The following CSPP1 variants were observed in gnomAD, a reference collection of about 807,000 sequenced individuals.
CSPP1 encodes the protein centrosome and spindle pole-associated protein 1.
CSPP1 carries 126 observed loss-of-function variants against 164.4 expected under a neutral mutation model. That is an observed-to-expected ratio of 0.77 (90% CI 0.66 to 0.89). The LOEUF (loss-of-function observed/expected upper bound fraction) is 0.89. CSPP1 is among the 40% of genes least tolerant of loss of function. CSPP1 has a pLI of 0.00. For synonymous variants in CSPP1, 472 were observed against 476.7 expected (o/e 0.99, Z 0.13); for missense variants, 1,395 against 1,449.8 (o/e 0.96, Z 0.61).
At chr8:67,170,974 G>A (rs1387948030) in intron 24 of CSPP1, among the ~76,000 whole-genome samples, 1 of 151,474 alleles carries the variant, frequency 6.6e-6, no homozygotes, top group Non-Finnish European at 1.5e-5. Context: ...TTTTAGTAGA[G>A]ATGGGGTTTC....
chr8:67,088,884 G>C (rs1304384498), intron 4 of CSPP1, among the ~76,000 whole-genome samples: 1 of 147,510 alleles, frequency 6.8e-6, no homozygotes, highest in African/African-American at 2.5e-5. Context: ...GCGACAGAGT[G>C]AGAATCCGTC....
rs189898536 is a variant in CSPP1, at chr8:67,117,444, A to T, written c.1497-804A>T. On this transcript the variant is annotated intron_variant, in intron 13 of 30. Transcript: ENST00000678616. ...CCATCTCTTTCTATTCATTTAAAGGAATTTGCCTTTGCCATTTTTACTACT... is the reference window on the plus strand; with the variant it reads ...CCATCTCTTTCTATTCATTTAAAGGTATTTGCCTTTGCCATTTTTACTACT... Among the ~76,000 whole-genome samples, 230 of 152,312 alleles carry T rather than the reference A, an allele frequency of 1.5e-3. 1 individual carries two copies. The highest frequency in any genetic ancestry group is 5.0e-3 in the African/African-American group (206 of 41,576).
chr8:67,126,870 C>G (rs1487543822), intron 15 of CSPP1, among the ~76,000 whole-genome samples: 1 of 151,886 alleles, frequency 6.6e-6, no homozygotes, highest in Non-Finnish European at 1.5e-5. Context: ...TCTACAAAAC[C>G]CCAGGATAGT....
At chr8:67,075,686 C>T (rs1807766686) in intron 2 of CSPP1, among the ~76,000 whole-genome samples, 1 of 152,194 alleles carries the variant, frequency 6.6e-6, no homozygotes. Context: ...GCCTTTCTTC[C>T]AGATAACCTG....
chr8:67,183,738 A>G (rs1833610159), intron 28 of CSPP1, among the ~76,000 whole-genome samples: 1 of 152,158 alleles, frequency 6.6e-6, no homozygotes, highest in Non-Finnish European at 1.5e-5. Context: ...ATACCAACAG[A>G]AAATCTAGAC....
At chr8:67,187,792 T>C (rs765271934) in intron 28 of CSPP1, among the ~76,000 whole-genome samples, 18 of 152,340 alleles carry the variant, frequency 1.2e-4, no homozygotes, top group East Asian at 1.9e-4. Context: ...GGAGAAAAGA[T>C]AGTCTTCTCT....
chr8:67,124,976 G>T (rs1819780193), intron 15 of CSPP1, among the ~76,000 whole-genome samples: 1 of 152,076 alleles, frequency 6.6e-6, no homozygotes, highest in Non-Finnish European at 1.5e-5. Context: ...CCCATCCATA[G>T]TTGTCTTTTA....
chr8:67,125,798 T>C (rs1264477672), intron 15 of CSPP1, among the ~76,000 whole-genome samples: 1 of 152,198 alleles, frequency 6.6e-6, no homozygotes. Context: ...TCTATCTCTT[T>C]GTTGTTAATT....
Position 67,086,030 on chromosome 8 carries a change from C to A in CSPP1, c.223C>A (p.Pro75Thr). The change falls in exon 4 of 31, where the codon CCA becomes ACA. Residue 75 changes from proline (P) to threonine (T), a missense_variant. Physicochemically the swap from Pro to Thr is conservative, Grantham distance 38. Coordinates refer to ENST00000678616, the MANE Select transcript of CSPP1 (RefSeq NM_001382391.1). Reference protein sequence around the residue: ...SLGIDYGLSLPLGEDYERKKH... With the variant: ...SLGIDYGLSLTLGEDYERKKH... ...AGGAATTGATTATGGATTAAGTTTACCACTTGGAGAAGACTATGAACGGAA... is the reference window on the plus strand; with the variant it reads ...AGGAATTGATTATGGATTAAGTTTAACACTTGGAGAAGACTATGAACGGAA... 6.8e-7 allele frequency: 1 copy of A among 1,466,692 alleles called. No homozygotes were observed. The highest frequency in any genetic ancestry group is 9.6e-7 in the Non-Finnish European group (1 of 1,046,342). 90.9% of individuals were successfully genotyped at this position (1,466,692 alleles called of 1,614,324 possible).
intron 19 of CSPP1, among the ~76,000 whole-genome samples, chr8:67,156,590 G>A (rs1245910827): frequency 1.3e-5 from 2 of 152,006 alleles, no homozygotes; most frequent in African/African-American, 4.8e-5. Flanking sequence ...ATAGATCAAT[G>A]GTATTTATTA....
At chr8:67,106,803 A>C in intron 9 of CSPP1, among the ~76,000 whole-genome samples, 1 of 152,190 alleles carries the variant, frequency 6.6e-6, no homozygotes, top group East Asian at 1.9e-4. Context: ...CTCTAGATTC[A>C]TTCAACGTAA....
chr8:67,191,160 G>A (rs890898338), intron 29 of CSPP1, among the ~76,000 whole-genome samples: 2 of 152,176 alleles, frequency 1.3e-5, no homozygotes, highest in African/African-American at 2.4e-5. Flanking sequence ...TGGGCAAGAA[G>A]GCTGAGATTC....
chr8:67,186,446 A>G lies in CSPP1; in HGVS notation c.3221-4204A>G, dbSNP rs537507148. Among the ~76,000 whole-genome samples the G allele has an allele frequency of 2.4e-4, 37 of 151,674 alleles. No individual in the cohort carries two copies. The South Asian group carries it at 7.5e-3, about 31-fold the overall frequency. The stretch of plus-strand genomic sequence containing the variant: ...AAAAAAAAAAAAAAAGTCCAAGAAT[A>G]CCATGAACAACTCTATGCCCACAAA... On this transcript the variant is annotated intron_variant, in intron 28 of 30. Coordinates refer to ENST00000678616, the MANE Select transcript of CSPP1 (RefSeq NM_001382391.1).
At chr8:67,160,263 G>A (rs1284745212) in intron 21 of CSPP1, among the ~76,000 whole-genome samples, 3 of 150,962 alleles carry the variant, frequency 2.0e-5, no homozygotes, top group Non-Finnish European at 2.9e-5. Context: ...CCAGGAGATC[G>A]AGACCAGCCT....
At chr8:67,188,747 G>A (rs935579701) in intron 28 of CSPP1, among the ~76,000 whole-genome samples, 7 of 152,158 alleles carry the variant, frequency 4.6e-5, no homozygotes, top group South Asian at 2.1e-4. Flanking sequence ...CTGATCCAGC[G>A]GGGTGGCACC....
intron 9 of CSPP1, among the ~76,000 whole-genome samples, 182 bp downstream of exon 9, chr8:67,106,157 T>C (rs1467575623): frequency 6.6e-6 from 1 of 152,178 alleles, no homozygotes; most frequent in Admixed American, 6.6e-5. Context: ...ATAATTTTAT[T>C]TTGTATTTTT....
intron 27 of CSPP1, 81 bp downstream of exon 27, chr8:67,177,807 A>G: frequency 1.0e-6 from 1 of 960,812 alleles, no homozygotes; most frequent in Non-Finnish European, 1.7e-6. Context: ...AGTAATTCAA[A>G]TTTTGAATTA....
At chr8:67,084,347 A>G (rs1367273663) in intron 3 of CSPP1, 3 of 152,126 alleles carry the variant, frequency 2.0e-5, no homozygotes, top group Non-Finnish European at 4.4e-5. Context: ...CGGTAAGTGG[A>G]TTTTAGTATT....
chr8:67,097,955 T>A (rs1813177213), intron 7 of CSPP1, among the ~76,000 whole-genome samples: 1 of 151,824 alleles, frequency 6.6e-6, no homozygotes, highest in Non-Finnish European at 1.5e-5. Context: ...ATATAAACTC[T>A]GACATCTCCA....
Sources: gnomAD v4.1 joint callset for allele counts (sites outside exome capture counted in the v4.1 genomes callset) on GRCh38, gnomAD v4.1.1 for gene constraint, MANE v1.5 for transcripts, NCBI Gene and HGNC (gene_info 2026-07-23, HGNC 2026-07-21) for gene names.